CTDP1: variants seen among roughly 807,000 people sequenced by gnomAD.
The protein encoded by CTDP1 is CTD phosphatase 1.
Under a neutral mutation model 91.8 loss-of-function variants are expected in CTDP1, and 47 were observed. The observed-to-expected ratio is 0.51, with a 90% CI of 0.41 to 0.65. CTDP1 has a LOEUF of 0.65. Ranked by LOEUF, CTDP1 falls within the 30% of genes least tolerant of loss-of-function variation. The probability of loss-of-function intolerance (pLI) is 0.00; values close to 1 mark genes in which losing one functional copy is unlikely to be tolerated. For synonymous variants in CTDP1, 656 were observed against 598.5 expected (o/e 1.10, Z -1.40); for missense variants, 1,272 against 1,373.7 (o/e 0.93, Z 1.17).
At chr18:79,684,943 C>T (rs1417982002) in intron 1 of CTDP1, among the ~76,000 whole-genome samples, 2 of 144,464 alleles carry the variant, frequency 1.4e-5, no homozygotes, top group Non-Finnish European at 1.6e-5. Flanking sequence ...GCAGGGACCT[C>T]GTGGTCTCTA....
chr18:79,730,089 C>A (rs1417231417), intron 11 of CTDP1, among the ~76,000 whole-genome samples: 1 of 152,256 alleles, frequency 6.6e-6, no homozygotes, highest in Non-Finnish European at 1.5e-5. Flanking sequence ...CTCAGGTCAT[C>A]ACCTTTAGAC....
intron 8 of CTDP1, 57 bp downstream of exon 8, chr18:79,715,585 C>G (rs564610662): frequency 6.7e-7 from 1 of 1,490,532 alleles, no homozygotes; most frequent in Admixed American, 2.0e-5. Flanking sequence ...TCCTTGCAGG[C>G]ACTCCTTAGA....
intron 6 of CTDP1, among the ~76,000 whole-genome samples, chr18:79,711,546 C>T (rs1453305875): frequency 2.0e-5 from 3 of 152,144 alleles, no homozygotes; most frequent in Non-Finnish European, 4.4e-5. Context: ...ATAGCCCCAC[C>T]CCACGCACAA....
chr18:79,710,613 A>G (rs1394619608), intron 6 of CTDP1, among the ~76,000 whole-genome samples, 177 bp downstream of exon 6: 2 of 150,688 alleles, frequency 1.3e-5, no homozygotes, highest in Non-Finnish European at 2.9e-5. Context: ...CTCTGCTTCC[A>G]GAGTTCACGC....
rs1404196772 is a variant in CTDP1 at position 79,754,176 on chromosome 18, CA to C, written c.*387del. 3.0e-6 allele frequency: 1 copy of C among 334,144 alleles called. No individual in the cohort carries two copies. Among genetic ancestry groups the C allele is most frequent in the Non-Finnish European group, 5.8e-6 (1 of 171,358 alleles). The allele number at this position is 334,144 out of a possible 1,614,324, so 20.7% of individuals were successfully genotyped here. A position where few individuals can be genotyped will look rare whatever the true frequency, so the allele number is the denominator to read the frequency against. ...ACGAGACATGGACTAGGAGTTTAAGCAGGACAGTGTGCGTGCACGAGCTCCG... is the reference window on the plus strand; with the variant it reads ...ACGAGACATGGACTAGGAGTTTAAGCGGACAGTGTGCGTGCACGAGCTCCG... On this transcript the variant is annotated 3_prime_UTR_variant, in exon 13 of 13. Transcript: ENST00000613122.
At chr18:79,727,180 A>G (rs1191471476) in intron 10 of CTDP1, among the ~76,000 whole-genome samples, 1 of 152,132 alleles carries the variant, frequency 6.6e-6, no homozygotes, top group African/African-American at 2.4e-5. Flanking sequence ...GCGGGAGTAG[A>G]GCAGTTATCA....
chr18:79,726,605 T>G (rs896151914), intron 10 of CTDP1, among the ~76,000 whole-genome samples: 1 of 152,108 alleles, frequency 6.6e-6, no homozygotes, highest in African/African-American at 2.4e-5. Context: ...TCACTGATTT[T>G]TTTTTTTTGG....
intron 11 of CTDP1, among the ~76,000 whole-genome samples, chr18:79,733,296 G>A (rs1401030614): frequency 2.0e-5 from 3 of 152,156 alleles, no homozygotes; most frequent in Non-Finnish European, 4.4e-5. Context: ...TGCGTTTGGT[G>A]TGTTTGTGCA....
intron 4 of CTDP1, among the ~76,000 whole-genome samples, chr18:79,699,824 A>G (rs1300976870): frequency 6.6e-6 from 1 of 152,152 alleles, no homozygotes; most frequent in Non-Finnish European, 1.5e-5. Flanking sequence ...TTCCAGCAGC[A>G]TGTGCCCCCA....
chr18:79,713,109 GGT>G lies in CTDP1; in HGVS notation c.1002_1003del (p.Ser335ProfsTer16). On this transcript the variant is annotated frameshift_variant, in exon 7 of 13. Transcript: ENST00000613122. LOFTEE classifies it high-confidence loss of function. This position sits in a 1 kb window ranked among gnomAD's most constrained non-coding sequence, Gnocchi z 4.7. ...ACGGGTGATATGAATGCGCCCCCTG[GGT>G]CCCGAGAATCTCAGACGAGAAAGAA... The G allele has an allele frequency of 6.2e-7, 1 of 1,613,944 alleles. No individual in the cohort carries two copies. Among genetic ancestry groups the G allele is most frequent in the South Asian group, 1.1e-5 (1 of 91,060 alleles).
chr18:79,681,873 T>C (rs1031055528), intron 1 of CTDP1, among the ~76,000 whole-genome samples: 2 of 152,162 alleles, frequency 1.3e-5, no homozygotes, highest in African/African-American at 4.8e-5. Context: ...TGAGGTGGCT[T>C]CTTCCCCGTT....
At chr18:79,722,933 G>A (rs2122697751) in intron 10 of CTDP1, among the ~76,000 whole-genome samples, 1 of 152,292 alleles carries the variant, frequency 6.6e-6, no homozygotes, top group Non-Finnish European at 1.5e-5. Context: ...CATCTTGGAG[G>A]AACAGTAGAG....
intron 12 of CTDP1, among the ~76,000 whole-genome samples, chr18:79,738,585 T>C (rs11663715): frequency 6.6e-6 from 1 of 152,320 alleles, no homozygotes; most frequent in African/African-American, 2.4e-5. Flanking sequence ...CCACGTCTGG[T>C]CTTACTCTTA....
chr18:79,728,443 C>T (rs1054123655), intron 10 of CTDP1, among the ~76,000 whole-genome samples: 3 of 152,188 alleles, frequency 2.0e-5, no homozygotes, highest in African/African-American at 7.2e-5. Context: ...TGTTTTGTCA[C>T]TTGGCCGTTT....
intron 8 of CTDP1, 46 bp downstream of exon 8, chr18:79,715,574 C>A: frequency 6.6e-7 from 1 of 1,516,064 alleles, no homozygotes. Flanking sequence ...GGCCCGCGGG[C>A]TCCTTGCAGG....
In CTDP1 at chr18:79,736,430, C is replaced by T. The variant is rs1027845830; in HGVS notation, c.2656C>T (p.Pro886Ser). 9 of 1,549,278 alleles carry T rather than the reference C, an allele frequency of 5.8e-6. No homozygotes were observed. Among genetic ancestry groups the T allele is most frequent in the Admixed American group, 2.0e-5 (1 of 50,990 alleles). Residue 886 changes from proline to serine, a missense_variant, in exon 12 of 13, where the codon CCC becomes TCC. This residue lies in a region of CTDP1 where 881 missense variants were observed against 911.6 expected (regional missense o/e 0.97). Transcript: ENST00000613122. ...KRRPEEQEEE[P>S]QPRKPGTRRE... ...GAGGCCTGAGGAGCAGGAGGAGGAG[C>T]CCCAGCCCCGGAAGCCAGGGACCCG...
At position 79,715,187 on chromosome 18, in the gene CTDP1, T is replaced by TGGAGGAGGA. The variant is rs3833180; in HGVS notation, c.1740_1748dup (p.Glu580_Glu582dup). On this transcript the variant is annotated inframe_insertion, in exon 8 of 13. Transcript: ENST00000613122. ...GCGGGTGAGTCCCTGGACCAGAGCA[T>TGGAGGAGGA]GGAGGAGGAGGAGGAGGAGGACACG... 1.2e-6 allele frequency: 2 copies of TGGAGGAGGA among 1,610,242 alleles called. No homozygotes were observed. Among genetic ancestry groups the TGGAGGAGGA allele is most frequent in the Admixed American group, 1.7e-5 (1 of 59,018 alleles).
chr18:79,728,984 C>T lies in CTDP1; in HGVS notation c.2495C>T (p.Ser832Phe), dbSNP rs2086508968. 6.2e-7 allele frequency: 1 copy of T among 1,614,196 alleles called. No homozygotes were observed. Among genetic ancestry groups the T allele is most frequent in the East Asian group, 2.2e-5 (1 of 44,868 alleles). The change falls in exon 11 of 13, where the codon TCT (serine) becomes TTT (phenylalanine). Residue 832 changes from serine to phenylalanine, a missense_variant. Physicochemically the swap from Ser to Phe is radical, Grantham distance 155. Around this residue, in one of 3 missense-constraint regions of CTDP1, gnomAD observed 881 missense variants for 911.6 expected, o/e 0.97. Transcript: ENST00000613122. ...CAGGACGGAGAGCAGCCTGGCCCTTCTAGAAGAAAGCGACAGCCCAGTATG... is the reference window on the plus strand; with the variant it reads ...CAGGACGGAGAGCAGCCTGGCCCTTTTAGAAGAAAGCGACAGCCCAGTATG... ...DAQDGEQPGP[S>F]RRKRQPSMSE...
rs764935406 is a variant in CTDP1 at position 79,714,628 on chromosome 18, G to A, written c.1168G>A (p.Ala390Thr). ...ACGGGAGCTGAACGGCAGCGAGGCC[G>A]CCACCCCGCGGGACTCACCCCGCCC... ...PARELNGSEA[A>T]TPRDSPRPGK... Residue 390 changes from alanine (A) to threonine (T), a missense_variant, in exon 8 of 13, where the codon GCC (alanine) becomes ACC (threonine). By Grantham distance (58) the Ala-to-Thr change is moderately conservative (BLOSUM62 0). Transcript: ENST00000613122. The A allele has an allele frequency of 1.7e-5, 28 of 1,612,240 alleles. No homozygotes were observed. Among genetic ancestry groups the A allele is most frequent in the East Asian group, 2.2e-5 (1 of 44,878 alleles).
Sources: allele counts gnomAD v4.1 joint callset (sites outside exome capture counted in the v4.1 genomes callset), GRCh38; gene constraint gnomAD v4.1.1; regional missense constraint gnomAD v4.1.1; non-coding constraint Gnocchi (gnomAD v3.1); transcripts MANE v1.5; gene names NCBI Gene and HGNC (gene_info 2026-07-23, HGNC 2026-07-21).